Variants in BLTP3B observed in about 807,000 individuals in gnomAD.
BLTP3B encodes UHRF1 (ICBP90) binding protein 1-like.
chr12:100,131,005 G>A, the BLTP3B span, among the ~76,000 whole-genome samples: 2 of 115,606 alleles, frequency 1.7e-5, no homozygotes, highest in Non-Finnish European at 3.6e-5. Flanking sequence ...GAGAGAGAGA[G>A]AGAGAGAGAG....
At chr12:100,095,589 A>AGATTT in the BLTP3B span, 1 of 1,521,664 alleles carries the variant, frequency 6.6e-7, no homozygotes, top group Non-Finnish European at 8.9e-7. Context: ...CTCTTAAAGA[A>AGATTT]AATACCAACA....
the BLTP3B span, chr12:100,097,333 C>G: frequency 1.3e-6 from 2 of 1,592,514 alleles, no homozygotes; most frequent in Non-Finnish European, 1.7e-6. Flanking sequence ...ACAGTTAACA[C>G]ATGAATCAAA....
chr12:100,096,202 A>G, the BLTP3B span, among the ~76,000 whole-genome samples: 1,800 of 152,086 alleles, frequency 0.012, 39 homozygotes, highest in African/African-American at 0.041. Flanking sequence ...TGCAGTGAGC[A>G]GAGATAGTGC....
At chr12:100,102,793 G>A in the BLTP3B span, 1 of 1,608,564 alleles carries the variant, frequency 6.2e-7, no homozygotes, top group Non-Finnish European at 8.5e-7. Flanking sequence ...TGCAATTGGT[G>A]ATGGGCCATT....
chr12:100,059,154 A>G, the BLTP3B span: 1 of 1,614,122 alleles, frequency 6.2e-7, no homozygotes, highest in African/African-American at 1.3e-5. Flanking sequence ...TCCACTTTTC[A>G]TCCCTTCATA....
the BLTP3B span, chr12:100,072,769 A>C: frequency 1.2e-5 from 20 of 1,605,218 alleles, no homozygotes; most frequent in Admixed American, 1.4e-4. Context: ...TATTGCAGCA[A>C]ATCATGCTTT....
chr12:100,074,960 C>T, the BLTP3B span, among the ~76,000 whole-genome samples: 4 of 151,924 alleles, frequency 2.6e-5, no homozygotes, highest in African/African-American at 4.8e-5. Context: ...ATGAATGGTG[C>T]CTGGATGACT....
the BLTP3B span, among the ~76,000 whole-genome samples, chr12:100,119,889 C>G: frequency 6.6e-6 from 1 of 151,968 alleles, no homozygotes; most frequent in Non-Finnish European, 1.5e-5. Context: ...TTTAACGCAA[C>G]AAAAAATGCA....
At chr12:100,076,675 T>G in the BLTP3B span, among the ~76,000 whole-genome samples, 1 of 152,242 alleles carries the variant, frequency 6.6e-6, no homozygotes, top group Non-Finnish European at 1.5e-5. Flanking sequence ...ATTACAGGCG[T>G]GAGCCAACGT....
At chr12:100,050,160 A>C in the BLTP3B span, 2 of 1,467,536 alleles carry the variant, frequency 1.4e-6, no homozygotes, top group Non-Finnish European at 1.8e-6. Flanking sequence ...TTAAAAAAAA[A>C]AACTTACCAA....
the BLTP3B span, among the ~76,000 whole-genome samples, chr12:100,079,078 CT>C: frequency 6.6e-6 from 1 of 152,188 alleles, no homozygotes; most frequent in Non-Finnish European, 1.5e-5. Context: ...GTCTATTAAA[CT>C]TTTTTCCTGT....
the BLTP3B span, among the ~76,000 whole-genome samples, chr12:100,061,176 G>A: frequency 6.6e-6 from 1 of 152,294 alleles, no homozygotes; most frequent in East Asian, 1.9e-4. Context: ...AATAAAGTGG[G>A]TGCTGCAGAG....
At chr12:100,081,571 C>T in the BLTP3B span, among the ~76,000 whole-genome samples, 1 of 152,190 alleles carries the variant, frequency 6.6e-6, no homozygotes, top group Non-Finnish European at 1.5e-5. Flanking sequence ...TTCCCCAACC[C>T]TCCACCCTCA....
the BLTP3B span, among the ~76,000 whole-genome samples, chr12:100,124,688 G>A: frequency 9.2e-5 from 14 of 151,558 alleles, no homozygotes; most frequent in African/African-American, 3.2e-4. Flanking sequence ...AGAGGTTGCA[G>A]TGAGCCAAGA....
At chr12:100,042,395 T>C in the BLTP3B span, among the ~76,000 whole-genome samples, 1 of 152,020 alleles carries the variant, frequency 6.6e-6, no homozygotes, top group Non-Finnish European at 1.5e-5. Flanking sequence ...CTAAAGGAAG[T>C]TGGTAATCAA....
chr12:100,081,999 C>T, the BLTP3B span, among the ~76,000 whole-genome samples: 2 of 152,222 alleles, frequency 1.3e-5, no homozygotes, highest in African/African-American at 2.4e-5. Flanking sequence ...CTGCTTTCCA[C>T]AGTGGTTGAA....
chr12:100,098,455 T>C, the BLTP3B span: 12 of 1,614,112 alleles, frequency 7.4e-6, no homozygotes, highest in African/African-American at 4.0e-5. Flanking sequence ...AAATGATGCA[T>C]TGAAGGCTTT....
At chr12:100,052,218 T>A in the BLTP3B span, among the ~76,000 whole-genome samples, 1 of 152,012 alleles carries the variant, frequency 6.6e-6, no homozygotes, top group African/African-American at 2.4e-5. Context: ...AATTTTTGTA[T>A]TTTTAGTAAA....
the BLTP3B span, among the ~76,000 whole-genome samples, chr12:100,111,542 C>G: frequency 6.6e-6 from 1 of 151,930 alleles, no homozygotes; most frequent in Non-Finnish European, 1.5e-5. Context: ...ACCTCCACCT[C>G]CAAAGCAGTT....
Sources: allele counts gnomAD v4.1 joint callset (sites outside exome capture counted in the v4.1 genomes callset), GRCh38; gene constraint gnomAD v4.1.1; transcripts MANE v1.5; gene names NCBI Gene and HGNC (gene_info 2026-07-23, HGNC 2026-07-21).